Variants in CACNA2D3 observed in about 807,000 individuals in gnomAD.
The protein encoded by CACNA2D3 is voltage-dependent calcium channel subunit alpha-2/delta-3.
CACNA2D3 carries 60 observed loss-of-function variants against 160.6 expected under a neutral mutation model. That is an observed-to-expected ratio of 0.37 (90% CI 0.30 to 0.46). The LOEUF is 0.46. CACNA2D3 is among the 20% of genes least tolerant of loss of function. The pLI, the probability that CACNA2D3 is intolerant of heterozygous loss-of-function variation, is 1.00. For synonymous variants in CACNA2D3, 558 were observed against 492.9 expected (o/e 1.13, Z -1.75); for missense variants, 1,205 against 1,365.0 (o/e 0.88, Z 1.85).
chr3:54,454,608 G>A (rs941796599), intron 4 of CACNA2D3, among the ~76,000 whole-genome samples: 9 of 151,858 alleles, frequency 5.9e-5, no homozygotes, highest in South Asian at 2.1e-4. Flanking sequence ...TATTGGAAAT[G>A]TTCAAAATCC....
intron 2 of CACNA2D3, among the ~76,000 whole-genome samples, chr3:54,172,964 G>A (rs973262074): frequency 6.6e-6 from 1 of 152,208 alleles, no homozygotes; most frequent in Non-Finnish European, 1.5e-5. Context: ...GGGGTGACCA[G>A]CTATCCTGGT....
chr3:54,462,038 T>A (rs189445310), intron 4 of CACNA2D3, among the ~76,000 whole-genome samples: 2,898 of 151,568 alleles, frequency 0.019, 64 homozygotes, highest in East Asian at 0.094. Flanking sequence ...TTATGTACCC[T>A]GTAGTCATTC....
At chr3:54,264,418 C>T (rs1702464674) in intron 2 of CACNA2D3, among the ~76,000 whole-genome samples, 2 of 152,186 alleles carry the variant, frequency 1.3e-5, no homozygotes, top group African/African-American at 4.8e-5. Context: ...GTAAGTCTCT[C>T]AGCTTTGAAC....
chr3:54,389,543 C>T (rs1263065723), intron 4 of CACNA2D3, among the ~76,000 whole-genome samples: 2 of 152,128 alleles, frequency 1.3e-5, no homozygotes, highest in Non-Finnish European at 2.9e-5. Context: ...ATAGACACCA[C>T]CTTAAACAAA....
At chr3:54,575,216 T>C (rs1474958829) in intron 8 of CACNA2D3, among the ~76,000 whole-genome samples, 5 of 152,242 alleles carry the variant, frequency 3.3e-5, no homozygotes, top group Non-Finnish European at 5.9e-5. Context: ...CCAGTAAAAC[T>C]GTAAAAATAT....
At chr3:54,622,102 T>A (rs1462887154) in intron 9 of CACNA2D3, among the ~76,000 whole-genome samples, 2 of 152,150 alleles carry the variant, frequency 1.3e-5, no homozygotes, top group Non-Finnish European at 2.9e-5. Context: ...TGCCTGCTGT[T>A]CTGAGGCACT....
intron 11 of CACNA2D3, among the ~76,000 whole-genome samples, chr3:54,734,017 T>G (rs1701446739): frequency 6.6e-6 from 1 of 152,134 alleles, no homozygotes; most frequent in African/African-American, 2.4e-5. Flanking sequence ...CTTTGGATGC[T>G]ATGAGTGCAT....
At position 54,364,392 on chromosome 3, in the gene CACNA2D3, G is replaced by T. The variant is rs562895928; in HGVS notation, c.322-22323G>T. On this transcript the variant is annotated intron_variant, in intron 3 of 37. Coordinates refer to ENST00000474759, the MANE Select transcript of CACNA2D3 (RefSeq NM_018398.3). ...TAATTATTCTTGTGCCTCTTAATTTGATAGTTTGAAAAATGTTTTGTAGGC... is the reference window on the plus strand; with the variant it reads ...TAATTATTCTTGTGCCTCTTAATTTTATAGTTTGAAAAATGTTTTGTAGGC... Among the ~76,000 whole-genome samples the T allele has an allele frequency of 2.9e-3, 446 of 152,268 alleles. 4 individuals are homozygous for T. Among genetic ancestry groups the T allele is most frequent in the African/African-American group, 9.8e-3 (409 of 41,550 alleles).
At chr3:54,305,091 T>C (rs7627905) in intron 2 of CACNA2D3, among the ~76,000 whole-genome samples, 106,610 of 152,122 alleles carry the variant, frequency 0.7, 37,603 homozygotes, top group Non-Finnish European at 0.73. Flanking sequence ...CAGGCTTGTT[T>C]GATGGGTTGT....
At chr3:54,297,554 G>C (rs1021019997) in intron 2 of CACNA2D3, among the ~76,000 whole-genome samples, 1 of 152,014 alleles carries the variant, frequency 6.6e-6, no homozygotes, top group Non-Finnish European at 1.5e-5. Flanking sequence ...TTTAACTTCT[G>C]AGCTCCCTGA....
chr3:54,200,897 A>T (rs1701164948), intron 2 of CACNA2D3, among the ~76,000 whole-genome samples: 1 of 152,168 alleles, frequency 6.6e-6, no homozygotes, highest in Admixed American at 6.5e-5. Context: ...TTAAGATGAA[A>T]ATATTTCTTT....
intron 9 of CACNA2D3, chr3:54,626,596 G>C: frequency 6.7e-7 from 1 of 1,500,348 alleles, no homozygotes. Flanking sequence ...CATAAAGCAC[G>C]GCGGGCCCGG....
At chr3:54,662,939 A>G (rs947829299) in intron 11 of CACNA2D3, among the ~76,000 whole-genome samples, 14 of 152,180 alleles carry the variant, frequency 9.2e-5, no homozygotes, top group African/African-American at 2.7e-4. Context: ...TAATTTGTAA[A>G]ACAGCCTTGC....
intron 2 of CACNA2D3, among the ~76,000 whole-genome samples, chr3:54,219,669 C>A (rs1198661929): frequency 6.6e-6 from 1 of 152,116 alleles, no homozygotes; most frequent in East Asian, 1.9e-4. Flanking sequence ...GACCTCCCTG[C>A]ATAAGCATTT....
chr3:54,236,162 A>G (rs1211043142), intron 2 of CACNA2D3, among the ~76,000 whole-genome samples: 1 of 152,184 alleles, frequency 6.6e-6, no homozygotes, highest in Non-Finnish European at 1.5e-5. Context: ...TGCTCAAAAC[A>G]AGCAAGTCTC....
At chr3:54,123,022 C>G (rs1171489756) in intron 1 of CACNA2D3, among the ~76,000 whole-genome samples, 187 bp downstream of exon 1, 2 of 152,148 alleles carry the variant, frequency 1.3e-5, no homozygotes, top group African/African-American at 2.4e-5. Flanking sequence ...TGGCCCCTGC[C>G]CGCAGGTTGC....
At chr3:54,255,836 T>C (rs1254513166) in intron 2 of CACNA2D3, among the ~76,000 whole-genome samples, 2 of 152,178 alleles carry the variant, frequency 1.3e-5, no homozygotes, top group African/African-American at 4.8e-5. Context: ...TGTCTTCCAG[T>C]AAAGTCTTTT....
chr3:54,646,184 C>CTCCTTCCTTGCTTCCTTCCT (rs1435554677), intron 11 of CACNA2D3, among the ~76,000 whole-genome samples: 1 of 14,908 alleles, frequency 6.7e-5, no homozygotes, highest in South Asian at 3.8e-3. Flanking sequence ...CCCTCCCTCC[C>CTCCTTCCTTGCTTCCTTCCT]TCCTTCCTTG....
chr3:54,256,006 G>T (rs998437172), intron 2 of CACNA2D3, among the ~76,000 whole-genome samples: 1 of 152,076 alleles, frequency 6.6e-6, no homozygotes, highest in Admixed American at 6.6e-5. Flanking sequence ...AAATGCAAAA[G>T]CATAGTTGGA....
Sources: gnomAD v4.1 joint callset for allele counts (sites outside exome capture counted in the v4.1 genomes callset) on GRCh38, gnomAD v4.1.1 for gene constraint, MANE v1.5 for transcripts, NCBI Gene and HGNC (gene_info 2026-07-23, HGNC 2026-07-21) for gene names.